The following PDZRN3 variants were observed in gnomAD, a reference collection of about 807,000 sequenced individuals.
PDZRN3 encodes PDZ domain containing ring finger 3.
PDZRN3 carries 38 observed loss-of-function variants against 85.7 expected under a neutral mutation model. The observed-to-expected ratio is 0.44, with a 90% CI of 0.34 to 0.58. The LOEUF is 0.58. Among genes scored for constraint, PDZRN3 ranks in the 20% least tolerant of loss-of-function variants. The pLI is 0.01. For missense variants in PDZRN3, 1,629 were observed against 1,506.4 expected (o/e 1.08, Z -1.35); for synonymous variants, 759 against 638.0 (o/e 1.19, Z -2.86).
chr3:73,409,925 T>C (rs1365242617), intron 3 of PDZRN3, among the ~76,000 whole-genome samples: 1 of 152,254 alleles, frequency 6.6e-6, no homozygotes, highest in Admixed American at 6.5e-5. Flanking sequence ...CAGTCACCTC[T>C]ATTTCTATTA....
chr3:73,477,572 T>C (rs1559699853), intron 3 of PDZRN3, among the ~76,000 whole-genome samples: 1 of 152,156 alleles, frequency 6.6e-6, no homozygotes, highest in Non-Finnish European at 1.5e-5. Context: ...CATTCAAAAA[T>C]AATGAAAACA....
Position 73,398,293 on chromosome 3 carries a change from G to C in PDZRN3, c.1254+2629C>G, listed in dbSNP as rs554936120. Among the ~76,000 whole-genome samples the C allele has an allele frequency of 2.0e-5, 3 of 152,244 alleles. No homozygotes were observed. In the South Asian group the frequency reaches 6.2e-4, roughly 32 times the overall value. ...TATTCGTGACTTGGCGGCACATCTCGACACTGCAGTGAATGAAAGGCACCA... is the reference window on the plus strand; with the variant it reads ...TATTCGTGACTTGGCGGCACATCTCCACACTGCAGTGAATGAAAGGCACCA... On this transcript the variant is annotated intron_variant, in intron 5 of 9. Coordinates refer to ENST00000263666, the MANE Select transcript of PDZRN3 (RefSeq NM_015009.3).
At position 73,382,504 on chromosome 3, in the gene PDZRN3, AAAT is replaced by A. The variant is rs1355688079; in HGVS notation, c.*858_*860del. 1.3e-5 allele frequency: 2 copies of A among 152,754 alleles called. No homozygotes were observed. The highest frequency in any genetic ancestry group is 2.9e-5 in the Non-Finnish European group (2 of 68,028). 9.5% of individuals were successfully genotyped at this position (152,754 alleles called of 1,614,324 possible). A position where few individuals can be genotyped will look rare whatever the true frequency, so the allele number is the denominator to read the frequency against. On this transcript the variant is annotated 3_prime_UTR_variant, in exon 10 of 10. Transcript: ENST00000263666. ...ATCACATCAAAACATATCAAATAGA[AAAT>A]AATAATTTATTTTAACTTCATTTTA...
intron 3 of PDZRN3, among the ~76,000 whole-genome samples, chr3:73,528,504 C>A (rs1311486023): frequency 6.6e-6 from 1 of 152,018 alleles, no homozygotes; most frequent in Non-Finnish European, 1.5e-5. Context: ...GATAAACTGT[C>A]AAGAATAAAC....
At chr3:73,534,756 C>T (rs1704737152) in intron 3 of PDZRN3, among the ~76,000 whole-genome samples, 1 of 152,190 alleles carries the variant, frequency 6.6e-6, no homozygotes, top group Non-Finnish European at 1.5e-5. Flanking sequence ...TCTTTTGACA[C>T]TGATGATTCT....
chr3:73,421,514 C>T (rs1036661555), intron 3 of PDZRN3, among the ~76,000 whole-genome samples: 2 of 152,208 alleles, frequency 1.3e-5, no homozygotes, highest in African/African-American at 2.4e-5. Flanking sequence ...GCCTTTAAGA[C>T]AATCAGGTGG....
Position 73,383,885 on chromosome 3 carries a change from T to A in PDZRN3, c.2681A>T (p.Glu894Val), listed in dbSNP as rs765367520. 1.9e-6 allele frequency: 3 copies of A among 1,613,228 alleles called. No homozygotes were observed. The highest frequency in any genetic ancestry group is 2.5e-6 in the Non-Finnish European group (3 of 1,179,668). ...CAGGCTCATCTGGCTTTGCGCGTAC[T>A]CCACGGCCGACTTCTGCTGGATCAG... ...MQLIQQKSAV[E>V]YAQSQMSLVS... The change falls in exon 10 of 10, where the codon GAG becomes GTG. Residue 894 changes from glutamate to valine, a missense_variant. Glu to Val is a moderately radical substitution (Grantham distance 121). Coordinates refer to ENST00000263666, the MANE Select transcript of PDZRN3 (RefSeq NM_015009.3).
chr3:73,510,676 C>T (rs1480777437), intron 3 of PDZRN3, among the ~76,000 whole-genome samples: 3 of 152,078 alleles, frequency 2.0e-5, no homozygotes, highest in Non-Finnish European at 4.4e-5. Flanking sequence ...TAGTCATCTC[C>T]CCCTTATCCT....
intron 3 of PDZRN3, among the ~76,000 whole-genome samples, chr3:73,533,707 G>A (rs1704713247): frequency 1.3e-5 from 2 of 152,096 alleles, no homozygotes; most frequent in Admixed American, 1.3e-4. Flanking sequence ...GGTCTTACAA[G>A]GTGTAATACA....
At position 73,517,425 on chromosome 3, in the gene PDZRN3, C is replaced by T. The variant is rs553846742; in HGVS notation, c.918+84929G>A. 6.2e-4 allele frequency among the ~76,000 whole-genome samples: 95 copies of T among 152,256 alleles called. No individual in the cohort carries two copies. In the South Asian group the frequency reaches 0.017, roughly 28 times the overall value. ...TCTCAACAAAACATTGCATAATTAT[C>T]GAGAGCTCTTTGGCACCTAAAATTT... On this transcript the variant is annotated intron_variant, in intron 3 of 9. Transcript: ENST00000263666.
chr3:73,457,436 A>T (rs549440787), intron 3 of PDZRN3, among the ~76,000 whole-genome samples: 67 of 152,198 alleles, frequency 4.4e-4, no homozygotes, highest in African/African-American at 1.5e-3. Flanking sequence ...GTTTGTGAAG[A>T]AATGGTATAC....
intron 3 of PDZRN3, among the ~76,000 whole-genome samples, chr3:73,482,779 C>A (rs928454413): frequency 6.6e-6 from 1 of 152,156 alleles, no homozygotes; most frequent in Non-Finnish European, 1.5e-5. Flanking sequence ...TACATAGTGA[C>A]ACAGAATTTA....
At chr3:73,563,014 T>TATATATATATATATATATATATA (rs1491432587) in intron 3 of PDZRN3, among the ~76,000 whole-genome samples, 16 of 20,280 alleles carry the variant, frequency 7.9e-4, no homozygotes, top group South Asian at 3.3e-3. Context: ...TATATATATA[T>TATATATATATATATATATATATA]TTTTTTTTTT....
chr3:73,563,007 A>T (rs1252315761), intron 3 of PDZRN3, among the ~76,000 whole-genome samples: 21 of 45,900 alleles, frequency 4.6e-4, no homozygotes, highest in African/African-American at 2.1e-3. Context: ...ATATATATAT[A>T]TATATATTTT....
intron 3 of PDZRN3, among the ~76,000 whole-genome samples, chr3:73,513,341 C>A (rs191535017): frequency 1.1e-3 from 170 of 152,244 alleles, no homozygotes; most frequent in African/African-American, 4.0e-3. Flanking sequence ...ACACTGCTCC[C>A]GGTAAATGAA....
chr3:73,589,159 C>A (rs9880830), intron 3 of PDZRN3, among the ~76,000 whole-genome samples: 1 of 151,974 alleles, frequency 6.6e-6, no homozygotes, highest in East Asian at 1.9e-4. Context: ...GCCATTCTGC[C>A]TCAGCCTCCC....
chr3:73,621,714 C>T (rs1435754800), intron 1 of PDZRN3: 1 of 152,204 alleles, frequency 6.6e-6, no homozygotes, highest in African/African-American at 2.4e-5. Context: ...CCAGACCATC[C>T]TTTGCTGTTC....
At position 73,385,737 on chromosome 3, in the gene PDZRN3, G is replaced by C. The variant is rs754090037; in HGVS notation, c.1567C>G (p.Leu523Val). The C allele has an allele frequency of 2.1e-5, 34 of 1,613,982 alleles. No homozygotes were observed. Among genetic ancestry groups the C allele is most frequent in the Non-Finnish European group, 2.9e-5 (34 of 1,179,866 alleles). The change falls in exon 9 of 10, where the codon CTG becomes GTG. Residue 523 changes from leucine to valine, a missense_variant. Leu to Val is a conservative substitution (Grantham distance 32). Coordinates refer to ENST00000263666, the MANE Select transcript of PDZRN3 (RefSeq NM_015009.3). ...DDDRNDFLDD[L>V]HMDMLEEQHH... ...TGCTCCTCCAGCATGTCCATGTGCA[G>C]GTCATCCAGAAAGTCGTTCCTGTCA... is the stretch of plus-strand genomic sequence containing the variant.
chr3:73,581,861 G>C (rs1317000299), intron 3 of PDZRN3, among the ~76,000 whole-genome samples: 2 of 151,228 alleles, frequency 1.3e-5, no homozygotes, highest in African/African-American at 4.9e-5. Context: ...CACTTTGGGA[G>C]TCCAGGGCAA....
Sources: gnomAD v4.1 joint callset for allele counts (sites outside exome capture counted in the v4.1 genomes callset) on GRCh38, gnomAD v4.1.1 for gene constraint, MANE v1.5 for transcripts, NCBI Gene and HGNC (gene_info 2026-07-23, HGNC 2026-07-21) for gene names.